Variants in VAMP7 observed in about 807,000 individuals in gnomAD.
The protein encoded by VAMP7 is vesicle associated membrane protein 7, also known as vesicle-associated membrane protein 7.
In VAMP7, 14 loss-of-function variants were observed where a neutral mutation model predicts 29.6. The observed-to-expected ratio is 0.47, with a 90% CI of 0.31 to 0.74. VAMP7 has a LOEUF of 0.74. Ranked by LOEUF, VAMP7 falls within the 30% of genes least tolerant of loss-of-function variation. The pLI is 0.05. For synonymous variants in VAMP7, 95 were observed against 88.1 expected (o/e 1.08, Z -0.44); for missense variants, 223 against 262.4 (o/e 0.85, Z 1.04).
At chrX:155,929,705 G>A (rs1013630912) in intron 6 of VAMP7, among the ~76,000 whole-genome samples, 3 of 152,106 alleles carry the variant, frequency 2.0e-5, no homozygotes, top group Non-Finnish European at 4.4e-5. Flanking sequence ...CGTAAAAAAG[G>A]TACCATGGCT....
chrX:155,915,594 T>C (rs141057227), intron 5 of VAMP7, among the ~76,000 whole-genome samples: 338 of 152,302 alleles, frequency 2.2e-3, no homozygotes, highest in African/African-American at 7.2e-3. Flanking sequence ...AAAAAACTTA[T>C]TTATTTCTGC....
intron 6 of VAMP7, among the ~76,000 whole-genome samples, chrX:155,921,418 T>C (rs141204141): frequency 0.021 from 3,119 of 152,146 alleles, 61 homozygotes; most frequent in Non-Finnish European, 0.036. Flanking sequence ...TAATCCCCAA[T>C]AGACGTAATT....
rs141503030 is a variant in VAMP7, at chrX:155,892,774, C to T, written c.147-2849C>T. 9.3e-3 allele frequency among the ~76,000 whole-genome samples: 1,312 copies of T among 140,414 alleles called. 21 individuals are homozygous for T. Among genetic ancestry groups the T allele is most frequent in the African/African-American group, 0.034 (1,236 of 36,400 alleles). 92.1% of individuals were successfully genotyped at this position (140,414 alleles called of 152,430 possible). A position where few individuals can be genotyped will look rare whatever the true frequency, so the allele number is the denominator to read the frequency against. ...ATTATTATTATTATTATTATTGAGACGAAGTTTCGCTTTTGTTGCCCAGGC... is the reference window on the plus strand; with the variant it reads ...ATTATTATTATTATTATTATTGAGATGAAGTTTCGCTTTTGTTGCCCAGGC... On this transcript the variant is annotated intron_variant, in intron 2 of 7. Transcript: ENST00000286448.
At chrX:155,909,696 G>A (rs1463595752) in intron 5 of VAMP7, among the ~76,000 whole-genome samples, 2 of 152,108 alleles carry the variant, frequency 1.3e-5, no homozygotes, top group Non-Finnish European at 2.9e-5. Flanking sequence ...CCAAGATCAC[G>A]GTGCCAGTAT....
At chrX:155,914,587 A>G (rs954304817) in intron 5 of VAMP7, among the ~76,000 whole-genome samples, 5 of 152,110 alleles carry the variant, frequency 3.3e-5, no homozygotes, top group Non-Finnish European at 5.9e-5. Flanking sequence ...GTTGAATTTT[A>G]TCGAAGGCCT....
intron 5 of VAMP7, among the ~76,000 whole-genome samples, chrX:155,905,752 A>G (rs1982112024): frequency 6.6e-6 from 1 of 152,158 alleles, no homozygotes; most frequent in Non-Finnish European, 1.5e-5. Context: ...AGTTCTGTTC[A>G]GTTTATCTTT....
chrX:155,906,231 C>T (rs1186392553), intron 5 of VAMP7, among the ~76,000 whole-genome samples: 2 of 152,262 alleles, frequency 1.3e-5, no homozygotes, highest in East Asian at 3.9e-4. Flanking sequence ...ATACCCCACC[C>T]TTGATCAAGT....
intron 7 of VAMP7, 113 bp downstream of exon 7, chrX:155,939,906 A>G (rs1265302841): frequency 1.1e-6 from 1 of 900,232 alleles, no homozygotes; most frequent in Non-Finnish European, 1.8e-6. Context: ...ATGTCTTTTA[A>G]TAGTGAAACA....
chrX:155,919,762 T>C, intron 5 of VAMP7, 51 bp from the exon 6 acceptor site: 1 of 1,522,904 alleles, frequency 6.6e-7, no homozygotes, highest in South Asian at 1.1e-5. Flanking sequence ...AAAAGTTTAT[T>C]TTATTCTACA....
chrX:155,883,344 T>C (rs1463865764), intron 1 of VAMP7, among the ~76,000 whole-genome samples: 1 of 152,162 alleles, frequency 6.6e-6, no homozygotes. Flanking sequence ...GTGCCTTCTC[T>C]TCTTCCATCC....
At chrX:155,931,260 C>G (rs1225416489) in intron 6 of VAMP7, among the ~76,000 whole-genome samples, 11 of 152,116 alleles carry the variant, frequency 7.2e-5, no homozygotes, top group Admixed American at 5.2e-4. Flanking sequence ...GGTATTTCTA[C>G]TTCTAGATCC....
At chrX:155,893,881 G>A (rs2065953771) in intron 2 of VAMP7, among the ~76,000 whole-genome samples, 1 of 152,234 alleles carries the variant, frequency 6.6e-6, no homozygotes, top group Non-Finnish European at 1.5e-5. Context: ...CTTTCCAAAA[G>A]GAAGTGGTCA....
intron 6 of VAMP7, among the ~76,000 whole-genome samples, chrX:155,932,481 G>A (rs956340319): frequency 2.8e-4 from 43 of 152,236 alleles, no homozygotes; most frequent in African/African-American, 9.9e-4. Context: ...TTGTGAATGG[G>A]AGTTCACTCA....
At position 155,913,284 on chromosome X, in the gene VAMP7, A is replaced by G. The variant is rs183141530; in HGVS notation, c.434-6529A>G. Among the ~76,000 whole-genome samples, 999 of 152,112 alleles carry G rather than the reference A, an allele frequency of 6.6e-3. 4 individuals carry two copies. Among genetic ancestry groups the G allele is most frequent in the Middle Eastern group, 0.014 (4 of 294 alleles). ...ATTCCGGATATTAGCCCTTTGTCAG[A>G]TGGATAGATTGCAAAAATTTTTTCC... On this transcript the variant is annotated intron_variant, in intron 5 of 7. Coordinates refer to ENST00000286448, the MANE Select transcript of VAMP7 (RefSeq NM_005638.6).
chrX:155,935,777 C>G (rs1211057420), intron 6 of VAMP7, among the ~76,000 whole-genome samples: 2 of 152,146 alleles, frequency 1.3e-5, no homozygotes, highest in African/African-American at 2.4e-5. Flanking sequence ...GAGAGGCGCT[C>G]TGATTTTTAG....
At chrX:155,937,129 A>G (rs1442089884) in intron 6 of VAMP7, among the ~76,000 whole-genome samples, 1 of 152,202 alleles carries the variant, frequency 6.6e-6, no homozygotes, top group African/African-American at 2.4e-5. Flanking sequence ...ATGTGGATGA[A>G]ACTAGAAGAC....
rs1320546214 is a variant in VAMP7, at chrX:155,927,420, AC to A, written c.501+7541del. ...GCAGGCCAAGCAGGAAAAAAAAAAA[AC>A]AAACCAGAAAAATGGTGCTGATAGT... On this transcript the variant is annotated intron_variant, in intron 6 of 7. Coordinates refer to ENST00000286448, the MANE Select transcript of VAMP7 (RefSeq NM_005638.6). 1.1e-4 allele frequency among the ~76,000 whole-genome samples: 16 copies of A among 149,702 alleles called. No homozygotes were observed. In the South Asian group the frequency reaches 2.4e-3, roughly 22 times the overall value.
At chrX:155,916,141 G>T (rs1377951677) in intron 5 of VAMP7, among the ~76,000 whole-genome samples, 1 of 151,994 alleles carries the variant, frequency 6.6e-6, no homozygotes. Context: ...ATCTTTGTTG[G>T]TTTAAAGTCT....
At chrX:155,883,297 T>A (rs2065825784) in intron 1 of VAMP7, among the ~76,000 whole-genome samples, 1 of 152,200 alleles carries the variant, frequency 6.6e-6, no homozygotes, top group Admixed American at 6.5e-5. Context: ...TTCCATCTTA[T>A]CAGGCTAGCT....
Sources: gnomAD v4.1 joint callset for allele counts (sites outside exome capture counted in the v4.1 genomes callset) on GRCh38, gnomAD v4.1.1 for gene constraint, MANE v1.5 for transcripts, NCBI Gene and HGNC (gene_info 2026-07-23, HGNC 2026-07-21) for gene names.